The following SP3 variants were observed in gnomAD, a reference collection of about 807,000 sequenced individuals.
SP3 encodes the protein Sp3 transcription factor.
A neutral mutation model predicts 70.3 loss-of-function variants in SP3; 10 were observed. That is an observed-to-expected ratio of 0.14 (90% CI 0.09 to 0.24). SP3 has a LOEUF of 0.24. Ranked by LOEUF, SP3 falls within the 10% of genes least tolerant of loss-of-function variation. The pLI, the probability that SP3 is intolerant of heterozygous loss-of-function variation, is 1.00. For missense variants in SP3, 825 were observed against 914.6 expected (o/e 0.90, Z 1.26); for synonymous variants, 402 against 333.5 (o/e 1.21, Z -2.24).
Position 173,959,508 on chromosome 2 carries a change from T to C in SP3, c.280-3276A>G, listed in dbSNP as rs375830498. On this transcript the variant is annotated intron_variant, in intron 3 of 6. Coordinates refer to ENST00000310015, the MANE Select transcript of SP3 (RefSeq NM_003111.5). Reference sequence around the variant, plus strand: ...TGGGAGGCTGAGGCGGGCAGATCACTTGAGGTCAGGAGTTTGAGACCCGTC... The same window carrying C: ...TGGGAGGCTGAGGCGGGCAGATCACCTGAGGTCAGGAGTTTGAGACCCGTC... Among the ~76,000 whole-genome samples the C allele has an allele frequency of 4.0e-5, 6 of 151,836 alleles. No individual in the cohort carries two copies. The South Asian group carries it at 1.2e-3, about 31-fold the overall frequency.
intron 4 of SP3, among the ~76,000 whole-genome samples, chr2:173,924,194 A>G (rs1157403884): frequency 6.6e-6 from 1 of 152,192 alleles, no homozygotes; most frequent in Non-Finnish European, 1.5e-5. Flanking sequence ...TTACTCTTCT[A>G]TAAACTGCTC....
At chr2:173,953,296 G>T (rs977651301) in intron 4 of SP3, among the ~76,000 whole-genome samples, 3 of 152,202 alleles carry the variant, frequency 2.0e-5, no homozygotes, top group Non-Finnish European at 4.4e-5. Flanking sequence ...AGAGAACAAG[G>T]CAAACAATTT....
rs538428147 is a variant in SP3, at chr2:173,911,220, A to G, written c.2030-963T>C. Among the ~76,000 whole-genome samples, 4 of 152,268 alleles carry G rather than the reference A, an allele frequency of 2.6e-5. No individual in the cohort carries two copies. The East Asian group carries it at 7.7e-4, about 29-fold the overall frequency. ...TATTACATCAGAAAACTTCAAGATT[A>G]TATTAAGTGATATGGAAATGCAAGG... On this transcript the variant is annotated intron_variant, in intron 6 of 6. Transcript: ENST00000310015.
At chr2:173,938,459 CAAAAAAAA>C (rs747595137) in intron 4 of SP3, among the ~76,000 whole-genome samples, 1 of 46,384 alleles carries the variant, frequency 2.2e-5, no homozygotes, top group Admixed American at 2.9e-4. Context: ...AACTTTGCCT[CAAAAAAAA>C]AAAAAAAAAA....
At chr2:173,947,152 T>C (rs527384929) in intron 4 of SP3, among the ~76,000 whole-genome samples, 1 of 152,340 alleles carries the variant, frequency 6.6e-6, no homozygotes, top group Admixed American at 6.5e-5. Context: ...TCAACATACT[T>C]GAAATAAAAC....
rs1191477138 is a variant in SP3 at position 173,903,490 on chromosome 2, A to C, written c.*6451T>G. 1.3e-5 allele frequency among the ~76,000 whole-genome samples: 2 copies of C among 152,136 alleles called. No homozygotes were observed. Among genetic ancestry groups the C allele is most frequent in the Admixed American group, 6.5e-5 (1 of 15,280 alleles). On this transcript the variant is annotated 3_prime_UTR_variant, in exon 7 of 7. Transcript: ENST00000310015. ...ACTAAATGAATAAAGATGGAAAAAA[A>C]CACACAGAGTTACTAGGAGTAGAAT...
intron 4 of SP3, among the ~76,000 whole-genome samples, chr2:173,926,552 A>G (rs1689914332): frequency 6.6e-6 from 1 of 152,184 alleles, no homozygotes; most frequent in African/African-American, 2.4e-5. Flanking sequence ...TAATCCCAGC[A>G]CTTTGGGAGG....
At chr2:173,958,045 A>G (rs926433610) in intron 3 of SP3, among the ~76,000 whole-genome samples, 6 of 151,642 alleles carry the variant, frequency 4.0e-5, no homozygotes, top group Admixed American at 6.6e-5. Context: ...TCTATATACT[A>G]AAATCTACAC....
At chr2:173,937,143 C>T (rs1333437290) in intron 4 of SP3, among the ~76,000 whole-genome samples, 1 of 152,182 alleles carries the variant, frequency 6.6e-6, no homozygotes, top group African/African-American at 2.4e-5. Flanking sequence ...TTTACATTTT[C>T]ACAGTAAGAA....
intron 4 of SP3, among the ~76,000 whole-genome samples, chr2:173,937,474 A>C (rs951464678): frequency 1.3e-5 from 2 of 152,218 alleles, no homozygotes; most frequent in Non-Finnish European, 1.5e-5. Flanking sequence ...AACCCTGCCC[A>C]AGCTGTTACT....
intron 4 of SP3, among the ~76,000 whole-genome samples, chr2:173,949,366 G>GAAA (rs549360499): frequency 7.6e-6 from 1 of 131,402 alleles, no homozygotes. Flanking sequence ...CCTCAAAAAG[G>GAAA]AAAAAAAAAA....
chr2:173,931,344 TTTG>T lies in SP3; in HGVS notation c.1640-12562_1640-12560del, dbSNP rs111299743. 3.1e-4 allele frequency among the ~76,000 whole-genome samples: 47 copies of T among 151,376 alleles called. No individual in the cohort carries two copies. In the East Asian group the frequency reaches 8.8e-3, roughly 28 times the overall value. On this transcript the variant is annotated intron_variant, in intron 4 of 6. Transcript: ENST00000310015. The stretch of plus-strand genomic sequence containing the variant: ...AGGAGTTCGAGACCAGCCTGGCATT[TTTG>T]TTGTTGTTGTTTTTGAGATGGAGTC...
intron 4 of SP3, among the ~76,000 whole-genome samples, chr2:173,931,962 T>C (rs539486830): frequency 2.0e-5 from 3 of 152,344 alleles, no homozygotes; most frequent in Non-Finnish European, 2.9e-5. Context: ...TGCTTTCTTA[T>C]CACGTGTTCA....
chr2:173,944,228 G>C (rs1394278288), intron 4 of SP3, among the ~76,000 whole-genome samples: 1 of 152,174 alleles, frequency 6.6e-6, no homozygotes, highest in Non-Finnish European at 1.5e-5. Flanking sequence ...CACATGTTAA[G>C]TACCTTCATA....
chr2:173,964,121 T>TGCGCGCCGGGCC (rs1444935288), intron 2 of SP3: 2 of 347,510 alleles, frequency 5.8e-6, no homozygotes, highest in African/African-American at 4.3e-5. Flanking sequence ...GGCGGCGGGC[T>TGCGCGCCGGGCC]GCGCGCCGGG....
At chr2:173,918,251 A>G (rs1423203667) in intron 5 of SP3, among the ~76,000 whole-genome samples, 1 of 152,102 alleles carries the variant, frequency 6.6e-6, no homozygotes, top group Non-Finnish European at 1.5e-5. Context: ...TTTTTACGTA[A>G]CTACTATTCT....
chr2:173,964,059 G>A, intron 2 of SP3, 176 bp from the exon 3 acceptor site: 1 of 338,716 alleles, frequency 3.0e-6, no homozygotes. Context: ...GCCAGCCCAC[G>A]CCTGGCGTCC....
intron 4 of SP3, among the ~76,000 whole-genome samples, chr2:173,925,627 G>A (rs1456559229): frequency 6.6e-6 from 1 of 152,056 alleles, no homozygotes; most frequent in African/African-American, 2.4e-5. Flanking sequence ...CACTCCCATA[G>A]AGGACTTATT....
intron 3 of SP3, chr2:173,962,893 C>A (rs1262628344): frequency 6.6e-6 from 1 of 152,146 alleles, no homozygotes; most frequent in African/African-American, 2.4e-5. Flanking sequence ...TTGGTATTAA[C>A]CCCTCATATA....
Sources: gnomAD v4.1 joint callset for allele counts (sites outside exome capture counted in the v4.1 genomes callset) on GRCh38, gnomAD v4.1.1 for gene constraint, MANE v1.5 for transcripts, NCBI Gene and HGNC (gene_info 2026-07-23, HGNC 2026-07-21) for gene names.